The following ZNF641 variants were observed in gnomAD, a reference collection of about 807,000 sequenced individuals.
ZNF641 encodes zinc finger protein 641.
In ZNF641, 26 loss-of-function variants were observed where a neutral mutation model predicts 46.2. That is an observed-to-expected ratio of 0.56 (90% confidence interval 0.41 to 0.78). ZNF641 has a LOEUF of 0.78. ZNF641 is among the 30% of genes least tolerant of loss of function. The probability of loss-of-function intolerance (pLI) is 0.00; values close to 1 mark genes in which losing one functional copy is unlikely to be tolerated. For missense variants in ZNF641, 469 were observed against 517.8 expected (o/e 0.91, Z 0.91); for synonymous variants, 163 against 187.9 (o/e 0.87, Z 1.09).
rs1193656041 is a variant in ZNF641, at chr12:48,345,428, T to C, written c.323A>G (p.Glu108Gly). ...CTGAGAGGGGTCCAGGCTCCGCCAC[T>C]CCTCCTGAGAGAAGCACAGTGACAC... is the stretch of plus-strand genomic sequence containing the variant. The part of the protein sequence containing the change: ...KDVSLCFSQE[E>G]WRSLDPSQTD... Residue 108 changes from glutamate to glycine, a missense_variant, in exon 4 of 6, where the codon GAG becomes GGG. Coordinates refer to ENST00000547026, the MANE Select transcript of ZNF641 (RefSeq NM_001172681.2). 5 of 1,614,080 alleles carry C rather than the reference T, an allele frequency of 3.1e-6. No homozygotes were observed. The highest frequency in any genetic ancestry group is 8.5e-7 in the Non-Finnish European group (1 of 1,180,022).
At position 48,341,571 on chromosome 12, in the gene ZNF641, G is replaced by T; in HGVS notation, c.*1402C>A. The T allele has an allele frequency of 3.0e-6, 3 of 985,452 alleles. No homozygotes were observed. The highest frequency in any genetic ancestry group is 3.6e-6 in the Non-Finnish European group (3 of 829,940). 61.0% of individuals were successfully genotyped at this position (985,452 alleles called of 1,614,324 possible). A position where few individuals can be genotyped will look rare whatever the true frequency, so the allele number is the denominator to read the frequency against. ...ATTTTCCCTAAAGTTCTGTTTCTGG[G>T]AGAATGAGATCTTCAAGAATAACTC... On this transcript the variant is annotated 3_prime_UTR_variant, in exon 6 of 6. Transcript: ENST00000547026.
chr12:48,341,077 C>CT lies in ZNF641; in HGVS notation c.*1895dup, dbSNP rs1308086616. On this transcript the variant is annotated 3_prime_UTR_variant, in exon 6 of 6. Transcript: ENST00000547026. ...CCAAGCTGTTCAAGTCACATAAACTCTAAGAAGCCCAGTCAGCAAAATAAG... is the reference window on the plus strand; with the variant it reads ...CCAAGCTGTTCAAGTCACATAAACTCTTAAGAAGCCCAGTCAGCAAAATAAG... 43 of 985,452 alleles carry CT rather than the reference C, an allele frequency of 4.4e-5. No homozygotes were observed. Among genetic ancestry groups the CT allele is most frequent in the Admixed American group, 6.1e-5 (1 of 16,288 alleles). 61.0% of individuals were successfully genotyped at this position (985,452 alleles called of 1,614,324 possible). A position where few individuals can be genotyped will look rare whatever the true frequency, so the allele number is the denominator to read the frequency against.
chr12:48,347,876 T>G (rs1365349332), intron 2 of ZNF641, 31 bp downstream of exon 2: 1 of 1,605,126 alleles, frequency 6.2e-7, no homozygotes, highest in Admixed American at 1.7e-5. Context: ...GACTATGCAC[T>G]GTGCTTCCCA....
intron 1 of ZNF641, among the ~76,000 whole-genome samples, 164 bp from the exon 2 acceptor site, chr12:48,348,279 G>A (rs971746138): frequency 1.3e-5 from 2 of 152,210 alleles, no homozygotes; most frequent in African/African-American, 4.8e-5. Context: ...AACGGAGCCT[G>A]CACCAAGCTT....
In ZNF641 at chr12:48,343,343, T is replaced by C. The variant is rs762872696; in HGVS notation, c.905A>G (p.His302Arg). ...CTCAGAGCACCTGCTGGTCTTGTCA[T>C]GTAGGTGGGTTTTCTGGTGCCTGAT... is the stretch of plus-strand genomic sequence containing the variant. ...HLIRHQKTHLHDKTSRCSECG... is the reference protein window; with the variant it reads ...HLIRHQKTHLRDKTSRCSECG... Residue 302 changes from histidine to arginine, a missense_variant, in exon 6 of 6, where the codon CAT (histidine) becomes CGT (arginine). Around this residue, in one of 3 missense-constraint regions of ZNF641, gnomAD observed 346 missense variants for 354.0 expected, o/e 0.98. Transcript: ENST00000547026. 7.4e-6 allele frequency: 12 copies of C among 1,614,068 alleles called. No individual in the cohort carries two copies. Among genetic ancestry groups the C allele is most frequent in the East Asian group, 2.2e-5 (1 of 44,886 alleles).
Position 48,338,065 on chromosome 12 carries a change from T to G in ZNF641, c.*4908A>C, listed in dbSNP as rs1317330285. 6.6e-6 allele frequency: 1 copy of G among 152,534 alleles called. No individual in the cohort carries two copies. Among genetic ancestry groups the G allele is most frequent in the Non-Finnish European group, 1.5e-5 (1 of 68,192 alleles). The allele number at this position is 152,534 out of a possible 1,614,324, so 9.4% of individuals were successfully genotyped here. A position where few individuals can be genotyped will look rare whatever the true frequency, so the allele number is the denominator to read the frequency against. On this transcript the variant is annotated 3_prime_UTR_variant, in exon 6 of 6. Transcript: ENST00000547026. The stretch of plus-strand genomic sequence containing the variant: ...CAGAGTGGTGAGGTGGCTGATGAAC[T>G]GCTATAGCCAAGCCAAGAATTTGGA...
In ZNF641 at chr12:48,343,768, C is replaced by T. The variant is rs1179543800; in HGVS notation, c.521-41G>A. On this transcript the variant is annotated intron_variant, in intron 5 of 5. Transcript: ENST00000547026. ...AATACCAACCCCAAGAGAAGAGTCA[C>T]AAGAGAGTGCTTGAGGCCTAAGTCA... The T allele has an allele frequency of 5.6e-6, 8 of 1,439,366 alleles. No individual in the cohort carries two copies. The African/African-American group carries it at 7.2e-5, about 13-fold the overall frequency. 89.2% of individuals were successfully genotyped at this position (1,439,366 alleles called of 1,614,324 possible).
chr12:48,348,129 A>T lies in ZNF641; in HGVS notation c.-25-14T>A. 1 of 1,613,364 alleles carries T rather than the reference A, an allele frequency of 6.2e-7. No individual in the cohort carries two copies. The highest frequency in any genetic ancestry group is 8.5e-7 in the Non-Finnish European group (1 of 1,179,636). On this transcript the variant is annotated splice_polypyrimidine_tract_variant and intron_variant, in intron 1 of 5. Coordinates refer to ENST00000547026, the MANE Select transcript of ZNF641 (RefSeq NM_001172681.2). Reference sequence around the variant, plus strand: ...CCAAATTGTGACCTGGAACAAATTCATATCAGCAATGCCCATGAAAATGGG... The same window carrying T: ...CCAAATTGTGACCTGGAACAAATTCTTATCAGCAATGCCCATGAAAATGGG...
intron 5 of ZNF641, 191 bp downstream of exon 5, chr12:48,344,408 T>A (rs554367311): frequency 4.5e-6 from 2 of 439,756 alleles, no homozygotes; most frequent in East Asian, 7.1e-5. Flanking sequence ...GTCCCACAAC[T>A]ACAGCCCAGA....
intron 2 of ZNF641, 60 bp downstream of exon 2, chr12:48,347,847 T>G (rs1322369032): frequency 6.5e-7 from 1 of 1,537,872 alleles, no homozygotes; most frequent in African/African-American, 1.4e-5. Flanking sequence ...TAACCCTACT[T>G]TTGGAATAAA....
chr12:48,342,804 C>T lies in ZNF641; in HGVS notation c.*169G>A, dbSNP rs1276205136. On this transcript the variant is annotated 3_prime_UTR_variant, in exon 6 of 6. Transcript: ENST00000547026. ...AGAACTCTATTTTTATGTGCTATCT[C>T]ACAGAACTGGTGAGAAATGCTCTGG... The T allele has an allele frequency of 1.4e-6, 2 of 1,425,218 alleles. No homozygotes were observed. Among genetic ancestry groups the T allele is most frequent in the Non-Finnish European group, 1.8e-6 (2 of 1,095,040 alleles). The allele number at this position is 1,425,218 out of a possible 1,614,324, so 88.3% of individuals were successfully genotyped here. A position where few individuals can be genotyped will look rare whatever the true frequency, so the allele number is the denominator to read the frequency against.
At chr12:48,344,536 A>G (rs1952810247) in intron 5 of ZNF641, 63 bp downstream of exon 5, 3 of 1,102,548 alleles carry the variant, frequency 2.7e-6, no homozygotes, top group African/African-American at 3.1e-5. Flanking sequence ...GATTAAACGA[A>G]CATGGAATGA....
At chr12:48,350,277 A>G in intron 1 of ZNF641, 1 of 1,403,178 alleles carries the variant, frequency 7.1e-7, no homozygotes, top group African/African-American at 1.4e-5. Flanking sequence ...CATGTTATAA[A>G]AATGAGTAGC....
Position 48,338,672 on chromosome 12 carries a change from G to C in ZNF641, c.*4301C>G, listed in dbSNP as rs1256878975. 6.6e-6 allele frequency: 1 copy of C among 152,238 alleles called. No homozygotes were observed. Among genetic ancestry groups the C allele is most frequent in the Admixed American group, 6.5e-5 (1 of 15,286 alleles). The allele number at this position is 152,238 out of a possible 1,614,324, so 9.4% of individuals were successfully genotyped here. ...ATTGGTTACAACCTCTACCTAGTAA[G>C]CAGAGTCTGGATTTAAATCTTGCTT... On this transcript the variant is annotated 3_prime_UTR_variant, in exon 6 of 6. Coordinates refer to ENST00000547026, the MANE Select transcript of ZNF641 (RefSeq NM_001172681.2).
chr12:48,346,879 C>T (rs911781916), intron 3 of ZNF641, among the ~76,000 whole-genome samples: 2 of 152,116 alleles, frequency 1.3e-5, no homozygotes, highest in Non-Finnish European at 2.9e-5. Flanking sequence ...GGTGTGGTGG[C>T]GTGTGCCAGT....
intron 5 of ZNF641, 77 bp downstream of exon 5, chr12:48,344,522 G>A (rs917243867): frequency 3.0e-5 from 28 of 925,028 alleles, no homozygotes; most frequent in African/African-American, 2.8e-4. Flanking sequence ...TGAGGCAGAG[G>A]AGGGATTAAA....
downstream of ZNF641, among the ~76,000 whole-genome samples, chr12:48,334,951 A>G (rs1274288486): frequency 1.3e-5 from 2 of 152,216 alleles, no homozygotes; most frequent in African/African-American, 4.8e-5. Context: ...CAACTTAGGC[A>G]CAGGCACCAT....
At chr12:48,350,292 G>A (rs142762238) in intron 1 of ZNF641, 21 of 1,356,046 alleles carry the variant, frequency 1.5e-5, no homozygotes, top group Middle Eastern at 2.7e-4. Context: ...AGTAGCCCAA[G>A]GGCACACGGA....
upstream of ZNF641, chr12:48,351,162 A>C (rs1953030448): frequency 6.6e-6 from 1 of 152,156 alleles, no homozygotes; most frequent in Non-Finnish European, 1.5e-5. Context: ...GGGCGCCGGA[A>C]TCGCAGCCTG....
Sources: allele counts gnomAD v4.1 joint callset (sites outside exome capture counted in the v4.1 genomes callset), GRCh38; gene constraint gnomAD v4.1.1; regional missense constraint gnomAD v4.1.1; transcripts MANE v1.5; gene names NCBI Gene and HGNC (gene_info 2026-07-23, HGNC 2026-07-21).